Variants in SAMD5 observed in about 807,000 individuals in gnomAD.
The protein encoded by SAMD5 is sterile alpha motif domain-containing protein 5.
Under a neutral mutation model 11.3 loss-of-function variants are expected in SAMD5, and 13 were observed. The ratio of observed to expected loss-of-function variants is 1.15; its 90% CI spans 0.75 to 1.83. SAMD5 has a LOEUF of 1.83. SAMD5 is among the 40% of genes most tolerant of loss of function. SAMD5 has a pLI of 0.00. For missense variants in SAMD5, 255 were observed against 239.1 expected (o/e 1.07, Z -0.44); for synonymous variants, 129 against 111.3 (o/e 1.16, Z -1.00).
the SAMD5 span, among the ~76,000 whole-genome samples, chr6:147,914,567 G>A: frequency 1.3e-5 from 2 of 152,290 alleles, no homozygotes; most frequent in African/African-American, 2.4e-5. Context: ...TGCTGAATTG[G>A]AGAGTCAGCC....
At chr6:147,734,861 A>AGG (rs1051046226) in intron 1 of SAMD5, among the ~76,000 whole-genome samples, 2 of 151,962 alleles carry the variant, frequency 1.3e-5, no homozygotes, top group African/African-American at 4.8e-5. Context: ...TGGTATTTTA[A>AGG]GGTAAGGCAC....
chr6:147,550,882 C>T (rs988892230), intron 1 of SAMD5, among the ~76,000 whole-genome samples: 1 of 137,068 alleles, frequency 7.3e-6, no homozygotes, highest in Non-Finnish European at 1.6e-5. Context: ...AACAAAACTG[C>T]ACTTATACCT....
the SAMD5 span, among the ~76,000 whole-genome samples, chr6:147,872,694 T>G: frequency 6.6e-6 from 1 of 152,166 alleles, no homozygotes; most frequent in Non-Finnish European, 1.5e-5. Flanking sequence ...CTTGCCCACT[T>G]CATGGTCCGT....
At chr6:147,868,710 TG>T in the SAMD5 span, among the ~76,000 whole-genome samples, 1 of 152,236 alleles carries the variant, frequency 6.6e-6, no homozygotes. Flanking sequence ...GAAATTTTCA[TG>T]GTTTTAAAAA....
chr6:147,674,459 C>A (rs1790836327), intron 1 of SAMD5, among the ~76,000 whole-genome samples: 2 of 152,168 alleles, frequency 1.3e-5, no homozygotes, highest in South Asian at 4.1e-4. Context: ...ACGCACCCAA[C>A]TCAGTTTTTT....
intron 1 of SAMD5, among the ~76,000 whole-genome samples, chr6:147,521,863 G>A (rs905310601): frequency 1.5e-5 from 2 of 137,344 alleles, no homozygotes; most frequent in African/African-American, 2.9e-5. Context: ...TAACAAGAAC[G>A]ACAACTTTTT....
At chr6:147,557,988 C>T (rs1788884666) in intron 1 of SAMD5, among the ~76,000 whole-genome samples, 1 of 152,176 alleles carries the variant, frequency 6.6e-6, no homozygotes, top group Admixed American at 6.5e-5. Flanking sequence ...ACGTTCACAT[C>T]ACAGTCCCTG....
At chr6:147,897,920 G>C in the SAMD5 span, among the ~76,000 whole-genome samples, 2 of 138,216 alleles carry the variant, frequency 1.4e-5, no homozygotes, top group African/African-American at 5.5e-5. Flanking sequence ...ACTCCAGCCT[G>C]GGCAACAGAG....
intron 1 of SAMD5, among the ~76,000 whole-genome samples, chr6:147,726,550 G>A (rs892734649): frequency 1.3e-5 from 2 of 152,198 alleles, no homozygotes; most frequent in Admixed American, 1.3e-4. Flanking sequence ...CCAGGCCCAG[G>A]CCCCGGCCCT....
intron 1 of SAMD5, among the ~76,000 whole-genome samples, chr6:147,621,348 C>T (rs904207202): frequency 2.0e-5 from 3 of 152,188 alleles, no homozygotes; most frequent in Non-Finnish European, 4.4e-5. Context: ...TGGAGCTTGA[C>T]TTCTGATTGG....
chr6:147,795,107 C>A, the SAMD5 span, among the ~76,000 whole-genome samples: 2 of 149,960 alleles, frequency 1.3e-5, no homozygotes, highest in African/African-American at 4.9e-5. Context: ...GGTACATGTG[C>A]ACATTGTGCA....
chr6:147,673,058 C>A (rs747425432), intron 1 of SAMD5, among the ~76,000 whole-genome samples: 1 of 152,086 alleles, frequency 6.6e-6, no homozygotes, highest in African/African-American at 2.4e-5. Context: ...GCTAGAACTT[C>A]TAGAATAATG....
chr6:147,570,940 T>G (rs971103645), downstream of SAMD5, among the ~76,000 whole-genome samples: 1 of 152,182 alleles, frequency 6.6e-6, no homozygotes, highest in Non-Finnish European at 1.5e-5. Flanking sequence ...GGCTTTTGTC[T>G]GATGTCAAAT....
chr6:147,745,342 A>G, the SAMD5 span, among the ~76,000 whole-genome samples: 1 of 152,204 alleles, frequency 6.6e-6, no homozygotes, highest in African/African-American at 2.4e-5. Context: ...TAGTGAAAAA[A>G]AATTTAATGG....
chr6:147,857,681 T>TTTC, the SAMD5 span, among the ~76,000 whole-genome samples: 1 of 149,384 alleles, frequency 6.7e-6, no homozygotes, highest in Non-Finnish European at 1.5e-5. Context: ...CTTAGAATTT[T>TTTC]TTCTTCTTTT....
At chr6:147,554,669 G>A (rs1302108532) in intron 1 of SAMD5, among the ~76,000 whole-genome samples, 1 of 152,174 alleles carries the variant, frequency 6.6e-6, no homozygotes, top group Non-Finnish European at 1.5e-5. Flanking sequence ...ATGGCAGGAA[G>A]GTTCCAGACT....
chr6:147,589,673 A>G (rs1019842106), intron 1 of SAMD5, among the ~76,000 whole-genome samples: 1 of 152,188 alleles, frequency 6.6e-6, no homozygotes, highest in Non-Finnish European at 1.5e-5. Flanking sequence ...TGACTCCACC[A>G]TAACTTAAGG....
chr6:147,752,764 T>C, the SAMD5 span, among the ~76,000 whole-genome samples: 1 of 152,168 alleles, frequency 6.6e-6, no homozygotes, highest in Non-Finnish European at 1.5e-5. Context: ...TCTGACCTCA[T>C]GGTGGCTCAG....
At chr6:147,572,844 C>A (rs571625449), downstream of SAMD5, among the ~76,000 whole-genome samples, 1 of 152,148 alleles carries the variant, frequency 6.6e-6, no homozygotes, top group Non-Finnish European at 1.5e-5. Flanking sequence ...ATTTTGGACA[C>A]ATCCCCTTTT....
Sources: gnomAD v4.1 joint callset for allele counts (sites outside exome capture counted in the v4.1 genomes callset) on GRCh38, gnomAD v4.1.1 for gene constraint, MANE v1.5 for transcripts, NCBI Gene and HGNC (gene_info 2026-07-23, HGNC 2026-07-21) for gene names.